The following PTPRD variants were observed in gnomAD, a reference collection of about 807,000 sequenced individuals.
The protein encoded by PTPRD is receptor-type tyrosine-protein phosphatase delta.
PTPRD carries 34 observed loss-of-function variants against 214.5 expected under a neutral mutation model. The ratio of observed to expected loss-of-function variants is 0.16; its 90% CI spans 0.12 to 0.21. The LOEUF (loss-of-function observed/expected upper bound fraction) is 0.21, where lower values mean the gene tolerates loss of function less well. Ranked by LOEUF, PTPRD falls within the 10% of genes least tolerant of loss-of-function variation. The pLI is 1.00. For synonymous variants in PTPRD, 1,128 were observed against 845.7 expected, an observed-to-expected ratio of 1.33 and a Z score of -5.79; for missense variants, 2,545 against 2,398.7, an observed-to-expected ratio of 1.06 and a Z score of -1.27.
At chr9:8,809,568 T>A (rs75454479) in intron 11 of PTPRD, among the ~76,000 whole-genome samples, 378 of 152,320 alleles carry the variant, frequency 2.5e-3, no homozygotes, top group Non-Finnish European at 4.4e-3. Flanking sequence ...CTTAAAGATT[T>A]AGTCCTCAAA....
At chr9:8,526,270 G>GA (rs201112247) in intron 17 of PTPRD, among the ~76,000 whole-genome samples, 220 of 86,948 alleles carry the variant, frequency 2.5e-3, no homozygotes, top group South Asian at 4.4e-3. Context: ...GGAAAAAGAA[G>GA]AAAAAAAAAA....
chr9:9,149,967 CCAGTATA>C lies in PTPRD; in HGVS notation c.-143+33330_-143+33336del, dbSNP rs141561945. Among the ~76,000 whole-genome samples the C allele has an allele frequency of 2.6e-3, 399 of 152,258 alleles. 1 individual carries two copies. Among genetic ancestry groups the C allele is most frequent in the African/African-American group, 9.1e-3 (379 of 41,554 alleles). On this transcript the variant is annotated intron_variant, in intron 10 of 45. Coordinates refer to ENST00000381196, the MANE Select transcript of PTPRD (RefSeq NM_002839.4). ...TCTGGTGAAACTAAGTACAGGTAGTCCAGTATACATGAAGACCCATTTTACAAACACA... is the reference window on the plus strand; with the variant it reads ...TCTGGTGAAACTAAGTACAGGTAGTCCATGAAGACCCATTTTACAAACACA...
At chr9:9,275,199 TTATATA>T (rs1188297359) in intron 9 of PTPRD, among the ~76,000 whole-genome samples, 1 of 10,394 alleles carries the variant, frequency 9.6e-5, no homozygotes, top group East Asian at 1.5e-3. Context: ...TATATATATA[TTATATA>T]TATATATATA....
intron 3 of PTPRD, among the ~76,000 whole-genome samples, chr9:10,231,223 G>A (rs1206283053): frequency 6.6e-6 from 1 of 151,830 alleles, no homozygotes; most frequent in African/African-American, 2.4e-5. Flanking sequence ...CATGTATGAT[G>A]AAGATGGAAG....
intron 2 of PTPRD, among the ~76,000 whole-genome samples, chr9:10,440,667 T>C (rs2098752554): frequency 6.6e-6 from 1 of 151,580 alleles, no homozygotes; most frequent in Non-Finnish European, 1.5e-5. Context: ...CAATGAGAAA[T>C]CTAGGTTGGA....
Position 10,152,045 on chromosome 9 carries a change from A to T in PTPRD, c.-544-118255T>A, listed in dbSNP as rs183980992. ...GGGAATATGTTTGTATTTTACATTC[A>T]TAAATACCTAGGGTTGGGATTACTG... is the stretch of plus-strand genomic sequence containing the variant. On this transcript the variant is annotated intron_variant, in intron 3 of 45. Coordinates refer to ENST00000381196, the MANE Select transcript of PTPRD (RefSeq NM_002839.4). 3.2e-3 allele frequency among the ~76,000 whole-genome samples: 482 copies of T among 152,316 alleles called. 2 individuals carry two copies. Among genetic ancestry groups the T allele is most frequent in the African/African-American group, 0.011 (470 of 41,578 alleles).
chr9:8,346,834 CT>C (rs993002382), intron 39 of PTPRD, among the ~76,000 whole-genome samples: 3 of 152,036 alleles, frequency 2.0e-5, no homozygotes, highest in African/African-American at 7.2e-5. Context: ...TTGCTAAGAT[CT>C]ATGGTAAGAA....
intron 9 of PTPRD, among the ~76,000 whole-genome samples, chr9:9,374,304 A>C (rs1386537238): frequency 6.6e-6 from 1 of 152,130 alleles, no homozygotes; most frequent in Non-Finnish European, 1.5e-5. Context: ...AAAACTTTTT[A>C]TAAGGAATAT....
At chr9:8,759,882 GTT>G in intron 11 of PTPRD, among the ~76,000 whole-genome samples, 1 of 152,136 alleles carries the variant, frequency 6.6e-6, no homozygotes, top group East Asian at 1.9e-4. Context: ...CTGGACTCGT[GTT>G]TGTTTGTATG....
At chr9:9,530,546 T>C (rs750897370) in intron 8 of PTPRD, among the ~76,000 whole-genome samples, 1 of 152,138 alleles carries the variant, frequency 6.6e-6, no homozygotes, top group Non-Finnish European at 1.5e-5. Context: ...CACTGCTGAA[T>C]TGACTTAACT....
chr9:9,099,242 G>T (rs768018171), intron 10 of PTPRD, among the ~76,000 whole-genome samples: 1 of 152,116 alleles, frequency 6.6e-6, no homozygotes, highest in Non-Finnish European at 1.5e-5. Flanking sequence ...AACTATGTTG[G>T]TGATATTCTA....
At chr9:9,240,962 G>T (rs894800261) in intron 9 of PTPRD, among the ~76,000 whole-genome samples, 2 of 152,010 alleles carry the variant, frequency 1.3e-5, no homozygotes, top group African/African-American at 4.8e-5. Context: ...TAGATTCATA[G>T]AAAGGATAGA....
chr9:8,821,446 T>G (rs1310622356), intron 11 of PTPRD, among the ~76,000 whole-genome samples: 1 of 152,196 alleles, frequency 6.6e-6, no homozygotes, highest in Non-Finnish European at 1.5e-5. Flanking sequence ...TAACTTCTAC[T>G]GCGGTTTGTT....
intron 10 of PTPRD, among the ~76,000 whole-genome samples, chr9:9,085,489 C>T (rs996030575): frequency 1.3e-5 from 2 of 152,030 alleles, no homozygotes; most frequent in African/African-American, 4.8e-5. Flanking sequence ...AATAACAGCG[C>T]CTTATTATTT....
chr9:9,421,695 T>C (rs552574661), intron 8 of PTPRD, among the ~76,000 whole-genome samples: 1 of 152,188 alleles, frequency 6.6e-6, no homozygotes, highest in African/African-American at 2.4e-5. Context: ...AAAATGATAC[T>C]AACCAAAAGA....
chr9:9,584,573 T>C (rs1314298419), intron 7 of PTPRD, among the ~76,000 whole-genome samples: 6 of 151,946 alleles, frequency 3.9e-5, no homozygotes, highest in Non-Finnish European at 8.8e-5. Context: ...GTATGAACGT[T>C]ATCCATGAGA....
chr9:10,362,442 G>C (rs1386519764), intron 2 of PTPRD, among the ~76,000 whole-genome samples: 1 of 151,550 alleles, frequency 6.6e-6, no homozygotes, highest in African/African-American at 2.4e-5. Flanking sequence ...GACTGAATCT[G>C]GGCAAAGCTA....
chr9:10,520,171 G>C (rs2051677629), intron 2 of PTPRD, among the ~76,000 whole-genome samples: 1 of 152,108 alleles, frequency 6.6e-6, no homozygotes, highest in African/African-American at 2.4e-5. Context: ...TTGTCAAGTT[G>C]CAAATGCAAA....
chr9:10,499,269 A>T (rs1173577990), intron 2 of PTPRD, among the ~76,000 whole-genome samples: 1 of 151,966 alleles, frequency 6.6e-6, no homozygotes, highest in Non-Finnish European at 1.5e-5. Context: ...TATGTGTGAG[A>T]ACATGCAGTG....
Sources: allele counts gnomAD v4.1 joint callset (sites outside exome capture counted in the v4.1 genomes callset), GRCh38; gene constraint gnomAD v4.1.1; transcripts MANE v1.5; gene names NCBI Gene and HGNC (gene_info 2026-07-23, HGNC 2026-07-21).